The following PRPF19 variants were observed in gnomAD, a reference collection of about 807,000 sequenced individuals.
PRPF19 encodes pre-mRNA processing factor 19.
In PRPF19, 2 loss-of-function variants were observed where a neutral mutation model predicts 64.2. That is an observed-to-expected ratio of 0.03 (90% CI 0.01 to 0.10). PRPF19 has a LOEUF of 0.10. Ranked by LOEUF, PRPF19 falls within the 10% of genes least tolerant of loss-of-function variation. The pLI is 1.00. For synonymous variants in PRPF19, 226 were observed against 251.6 expected (o/e 0.90, Z 0.96); for missense variants, 314 against 650.0 (o/e 0.48, Z 5.62).
chr11:60,890,926 C>A lies in PRPF19; in HGVS notation c.*240G>T. The A allele has an allele frequency of 1.7e-6, 1 of 598,492 alleles. No individual in the cohort carries two copies. The allele number at this position is 598,492 out of a possible 1,614,324, so 37.1% of individuals were successfully genotyped here. A position where few individuals can be genotyped will look rare whatever the true frequency, so the allele number is the denominator to read the frequency against. The stretch of plus-strand genomic sequence containing the variant: ...AGAGGCCCTGGGCTCCGACCCTGGG[C>A]CTTAAGAGGGTGACAGTTCTTCCTT... On this transcript the variant is annotated 3_prime_UTR_variant, in exon 16 of 16. Coordinates refer to ENST00000227524, the MANE Select transcript of PRPF19 (RefSeq NM_014502.5).
intron 15 of PRPF19, among the ~76,000 whole-genome samples, chr11:60,897,164 T>TA (rs1565110061): frequency 6.6e-6 from 1 of 152,192 alleles, no homozygotes; most frequent in Non-Finnish European, 1.5e-5. Flanking sequence ...TGTACCATTT[T>TA]AAAAAAATCT....
chr11:60,901,218 C>A (rs577313921), intron 8 of PRPF19, 77 bp downstream of exon 8: 374 of 1,481,104 alleles, frequency 2.5e-4, no homozygotes, highest in South Asian at 3.3e-4. Context: ...GCACTCAGCA[C>A]TCCCCATGCT....
At chr11:60,904,378 T>A (rs1459467793) in intron 1 of PRPF19, among the ~76,000 whole-genome samples, 1 of 152,242 alleles carries the variant, frequency 6.6e-6, no homozygotes, top group East Asian at 1.9e-4. Context: ...TGACCTCAGA[T>A]GTGACCATCT....
At chr11:60,899,371 A>G in intron 10 of PRPF19, 67 bp from the exon 11 acceptor site, 1 of 1,501,070 alleles carries the variant, frequency 6.7e-7, no homozygotes, top group South Asian at 1.2e-5. Flanking sequence ...AATCTTATAA[A>G]ACGGGGCTGG....
At chr11:60,900,989 C>T (rs1228279455) in intron 8 of PRPF19, 60 bp from the exon 9 acceptor site, 2 of 1,568,544 alleles carry the variant, frequency 1.3e-6, no homozygotes, top group Non-Finnish European at 1.8e-6. Context: ...CACAAAGCCA[C>T]AGACCTCCCC....
At chr11:60,893,759 A>G (rs1044174243) in intron 15 of PRPF19, among the ~76,000 whole-genome samples, 5 of 152,178 alleles carry the variant, frequency 3.3e-5, no homozygotes, top group African/African-American at 1.2e-4. Flanking sequence ...ATTCAAGACC[A>G]GCCTGGCCAA....
At chr11:60,897,766 T>C in intron 15 of PRPF19, 80 bp downstream of exon 15, 3 of 1,225,290 alleles carry the variant, frequency 2.4e-6, no homozygotes, top group South Asian at 1.3e-5. Context: ...ATGCAAGCCC[T>C]AGAAATTCCT....
intron 15 of PRPF19, among the ~76,000 whole-genome samples, chr11:60,893,692 T>C (rs778582720): frequency 6.6e-6 from 1 of 151,188 alleles, no homozygotes; most frequent in African/African-American, 2.4e-5. Context: ...TGGTGGTTCA[T>C]GCCTGTAATC....
intron 6 of PRPF19, 59 bp from the exon 7 acceptor site, chr11:60,901,599 G>A (rs981992569): frequency 3.0e-5 from 48 of 1,595,406 alleles, no homozygotes; most frequent in Non-Finnish European, 3.9e-5. Flanking sequence ...AAGTACATTA[G>A]ATGCTGGTCA....
chr11:60,902,964 T>G lies in PRPF19; in HGVS notation c.247-83A>C, dbSNP rs1856000260. 6.5e-7 allele frequency: 1 copy of G among 1,546,854 alleles called. No homozygotes were observed. The highest frequency in any genetic ancestry group is 1.4e-5 in the African/African-American group (1 of 74,014). ...GAGTCAGCCCTTGGGGAGGGGATGC[T>G]GCCTCCTATCCCAGAGCCTAGACCA... On this transcript the variant is annotated intron_variant, in intron 3 of 15. Coordinates refer to ENST00000227524, the MANE Select transcript of PRPF19 (RefSeq NM_014502.5). This position sits in a 1 kb window ranked among gnomAD's most constrained non-coding sequence, Gnocchi z 5.0.
intron 1 of PRPF19, among the ~76,000 whole-genome samples, chr11:60,904,315 C>G (rs1856018636): frequency 6.6e-6 from 1 of 152,220 alleles, no homozygotes; most frequent in South Asian, 2.1e-4. Flanking sequence ...TCTGAGAATA[C>G]AGGAATAACA....
chr11:60,897,241 T>C (rs1855931917), intron 15 of PRPF19, among the ~76,000 whole-genome samples: 1 of 152,244 alleles, frequency 6.6e-6, no homozygotes, highest in African/African-American at 2.4e-5. Context: ...ATACTTACCA[T>C]TGTGTTATAA....
At chr11:60,894,889 T>C (rs1010684021) in intron 15 of PRPF19, among the ~76,000 whole-genome samples, 2 of 152,230 alleles carry the variant, frequency 1.3e-5, no homozygotes, top group African/African-American at 4.8e-5. Context: ...CTGTAATATT[T>C]TGAAAGGAAT....
chr11:60,895,522 T>C (rs577243803), intron 15 of PRPF19, among the ~76,000 whole-genome samples: 4 of 152,384 alleles, frequency 2.6e-5, no homozygotes, highest in East Asian at 3.9e-4. Context: ...ACTGAAACTT[T>C]CTCCATATCA....
rs899527821 is a variant in PRPF19 at position 60,898,510 on chromosome 11, G to A, written c.1140+31C>T. On this transcript the variant is annotated intron_variant, in intron 13 of 15. Coordinates refer to ENST00000227524, the MANE Select transcript of PRPF19 (RefSeq NM_014502.5). The surrounding 1 kb of genome is among the most constrained non-coding windows in gnomAD (Gnocchi z 4.6). Reference sequence around the variant, plus strand: ...TGTCACAAACACTCCCTCTGGCCCTGGGCCTCAGATGGAGGCCTACCATGT... The same window carrying A: ...TGTCACAAACACTCCCTCTGGCCCTAGGCCTCAGATGGAGGCCTACCATGT... 1 of 1,613,736 alleles carries A rather than the reference G, an allele frequency of 6.2e-7. No homozygotes were observed. The highest frequency in any genetic ancestry group is 1.3e-5 in the African/African-American group (1 of 74,918).
chr11:60,899,386 G>A (rs113557980), intron 10 of PRPF19, 82 bp from the exon 11 acceptor site: 1 of 1,388,030 alleles, frequency 7.2e-7, no homozygotes. Flanking sequence ...GGCTGGGGAT[G>A]CCCACAACTG....
chr11:60,893,902 G>C (rs372363630), intron 15 of PRPF19, among the ~76,000 whole-genome samples: 1 of 152,196 alleles, frequency 6.6e-6, no homozygotes, highest in Non-Finnish European at 1.5e-5. Flanking sequence ...CTAGGCGACA[G>C]AGCAAGACTC....
Position 60,898,019 on chromosome 11 carries a change from C to T in PRPF19, c.1312-68G>A. The T allele has an allele frequency of 6.2e-7, 1 of 1,608,052 alleles. No individual in the cohort carries two copies. Among genetic ancestry groups the T allele is most frequent in the Non-Finnish European group, 8.5e-7 (1 of 1,175,946 alleles). On this transcript the variant is annotated intron_variant, in intron 14 of 15. Coordinates refer to ENST00000227524, the MANE Select transcript of PRPF19 (RefSeq NM_014502.5). The surrounding 1 kb of genome is among the most constrained non-coding windows in gnomAD (Gnocchi z 4.6). Reference sequence around the variant, plus strand: ...AAACTATGGGGCAGTTGCGGATAAGCAGAAGCAATTAGATTAATTCAATAA... The same window carrying T: ...AAACTATGGGGCAGTTGCGGATAAGTAGAAGCAATTAGATTAATTCAATAA...
chr11:60,901,634 C>G, intron 6 of PRPF19, 94 bp from the exon 7 acceptor site: 1 of 1,420,688 alleles, frequency 7.0e-7, no homozygotes. Flanking sequence ...AAAGCAGCAC[C>G]AAGAACTTGC....
Sources: gnomAD v4.1 joint callset for allele counts (sites outside exome capture counted in the v4.1 genomes callset) on GRCh38, gnomAD v4.1.1 for gene constraint, Gnocchi (gnomAD v3.1) non-coding constraint, MANE v1.5 for transcripts, NCBI Gene and HGNC (gene_info 2026-07-23, HGNC 2026-07-21) for gene names.